The following AHCY variants were observed in gnomAD, a reference collection of about 807,000 sequenced individuals.
AHCY encodes adenosylhomocysteinase.
AHCY carries 24 observed loss-of-function variants against 45.4 expected under a neutral mutation model. The ratio of observed to expected loss-of-function variants is 0.53; its 90% CI spans 0.38 to 0.74. AHCY has a LOEUF of 0.74. Ranked by LOEUF, AHCY falls within the 30% of genes least tolerant of loss-of-function variation. The probability of loss-of-function intolerance (pLI) is 0.00; values close to 1 mark genes in which losing one functional copy is unlikely to be tolerated. For synonymous variants in AHCY, 245 were observed against 235.1 expected, an observed-to-expected ratio of 1.04 and a Z score of -0.39; for missense variants, 449 against 594.1, an observed-to-expected ratio of 0.76 and a Z score of 2.54.
chr20:34,287,826 A>G (rs1241790947), intron 8 of AHCY, among the ~76,000 whole-genome samples: 1 of 152,198 alleles, frequency 6.6e-6, no homozygotes, highest in Non-Finnish European at 1.5e-5. Flanking sequence ...GTGGTCAATT[A>G]TGGCCTGAGT....
At chr20:34,263,616 T>G in the AHCY span, among the ~76,000 whole-genome samples, 2 of 128,714 alleles carry the variant, frequency 1.6e-5, no homozygotes, top group African/African-American at 1.0e-4. Context: ...CTTGAACACA[T>G]GTGTTTGAAC....
chr20:34,266,845 C>T, the AHCY span, among the ~76,000 whole-genome samples: 1 of 152,138 alleles, frequency 6.6e-6, no homozygotes, highest in Admixed American at 6.5e-5. Flanking sequence ...AAAATCATAC[C>T]ACCATTAACA....
At position 34,290,535 on chromosome 20, in the gene AHCY, C is replaced by A. The variant is rs1254183029; in HGVS notation, c.854+16G>T. 2 of 1,614,002 alleles carry A rather than the reference C, an allele frequency of 1.2e-6. No individual in the cohort carries two copies. The highest frequency in any genetic ancestry group is 1.7e-6 in the Non-Finnish European group (2 of 1,179,978). ...CCTCCTCCCTCACTCCCCGGGACCC[C>A]CCATCTGGCACCTACCGGCCAAGGA... On this transcript the variant is annotated intron_variant, in intron 7 of 9. Coordinates refer to ENST00000217426, the MANE Select transcript of AHCY (RefSeq NM_000687.4). The surrounding 1 kb of genome is among the most constrained non-coding windows in gnomAD (Gnocchi z 4.5).
At chr20:34,239,896 G>C in the AHCY span, among the ~76,000 whole-genome samples, 1 of 152,168 alleles carries the variant, frequency 6.6e-6, no homozygotes, top group Non-Finnish European at 1.5e-5. Context: ...CTTCTGCAGA[G>C]CCTCTAAGCT....
chr20:34,303,715 C>T (rs758686311), upstream of AHCY, among the ~76,000 whole-genome samples: 16 of 152,206 alleles, frequency 1.1e-4, no homozygotes, highest in Non-Finnish European at 1.6e-4. Context: ...AGTTGCAGGC[C>T]AGGCGCGGTG....
the AHCY span, among the ~76,000 whole-genome samples, chr20:34,257,681 A>G: frequency 6.6e-6 from 1 of 152,338 alleles, no homozygotes; most frequent in East Asian, 1.9e-4. Context: ...TATGATAACT[A>G]TTCATGATGT....
At chr20:34,253,345 A>T in the AHCY span, among the ~76,000 whole-genome samples, 4 of 151,764 alleles carry the variant, frequency 2.6e-5, no homozygotes, top group Admixed American at 2.0e-4. Flanking sequence ...TGACCTCATG[A>T]TCCGCCTGCC....
chr20:34,296,653 A>C (rs1249103797), intron 1 of AHCY, among the ~76,000 whole-genome samples: 3 of 152,134 alleles, frequency 2.0e-5, no homozygotes, highest in Admixed American at 2.0e-4. Flanking sequence ...TCCCTAGGTC[A>C]AAGTTTGCAG....
intron 8 of AHCY, among the ~76,000 whole-genome samples, chr20:34,289,964 T>C (rs2036317795): frequency 6.6e-6 from 1 of 152,144 alleles, no homozygotes; most frequent in Non-Finnish European, 1.5e-5. Flanking sequence ...TGACCCCACA[T>C]GCCGTCCATC....
the AHCY span, among the ~76,000 whole-genome samples, chr20:34,261,057 A>T: frequency 2.6e-5 from 4 of 152,230 alleles, no homozygotes; most frequent in Non-Finnish European, 5.9e-5. Context: ...TTCACAGTTG[A>T]GGAACTTGAG....
chr20:34,295,440 C>A lies in AHCY; in HGVS notation c.174G>T (p.Val58=), dbSNP rs1195837357. The change falls in exon 2 of 10, where the codon GTG becomes GTT. Residue 58 remains valine (V), a synonymous_variant. Coordinates refer to ENST00000217426, the MANE Select transcript of AHCY (RefSeq NM_000687.4). ...GGGTCTCAATGAGGACGGCCGTCTCCACGGTCATGTGCAGGCAGCCAGCGA... is the reference window on the plus strand; with the variant it reads ...GGGTCTCAATGAGGACGGCCGTCTCAACGGTCATGTGCAGGCAGCCAGCGA... ...ARIAGCLHMT[V]ETAVLIETLV... is the part of the protein sequence containing the mutation. The A allele has an allele frequency of 2.5e-6, 4 of 1,614,142 alleles. No homozygotes were observed. The South Asian group carries it at 4.4e-5, about 18-fold the overall frequency.
the AHCY span, among the ~76,000 whole-genome samples, chr20:34,255,307 A>C: frequency 6.6e-6 from 1 of 152,108 alleles, no homozygotes; most frequent in Non-Finnish European, 1.5e-5. Flanking sequence ...AATCTTCCCC[A>C]AACTCCTGCC....
At chr20:34,245,408 A>G in the AHCY span, among the ~76,000 whole-genome samples, 1 of 150,176 alleles carries the variant, frequency 6.7e-6, no homozygotes, top group Non-Finnish European at 1.5e-5. Context: ...TTATTTTTTT[A>G]GACAGAGTCT....
In AHCY at chr20:34,290,165, C is replaced by G. The variant is rs1355605843; in HGVS notation, c.972+167G>C. On this transcript the variant is annotated intron_variant, in intron 8 of 9. Transcript: ENST00000217426. This position sits in a 1 kb window ranked among gnomAD's most constrained non-coding sequence, Gnocchi z 4.5. Reference sequence around the variant, plus strand: ...TGCCTGATACCTTCAGGGATGCCGGCTGCCCACAGGATAAGGTTGCCACGT... The same window carrying G: ...TGCCTGATACCTTCAGGGATGCCGGGTGCCCACAGGATAAGGTTGCCACGT... Among the ~76,000 whole-genome samples, 1 of 152,232 alleles carries G rather than the reference C, an allele frequency of 6.6e-6. No individual in the cohort carries two copies. Among genetic ancestry groups the G allele is most frequent in the African/African-American group, 2.4e-5 (1 of 41,456 alleles).
intron 4 of AHCY, 122 bp from the exon 5 acceptor site, chr20:34,291,653 A>C: frequency 4.4e-6 from 4 of 900,594 alleles, no homozygotes; most frequent in Non-Finnish European, 7.1e-6. Context: ...CTGATCCCAC[A>C]GGCCCCCCAA....
chr20:34,256,596 C>A, the AHCY span, among the ~76,000 whole-genome samples: 102 of 152,276 alleles, frequency 6.7e-4, no homozygotes, highest in Middle Eastern at 3.4e-3. Flanking sequence ...AGCCACCATG[C>A]CTGGCCTCTT....
At chr20:34,294,698 G>A (rs892007140) in intron 2 of AHCY, among the ~76,000 whole-genome samples, 41 of 152,146 alleles carry the variant, frequency 2.7e-4, no homozygotes, top group African/African-American at 9.4e-4. Context: ...CTGTTTGAAC[G>A]CGTTCTGCCT....
At chr20:34,289,474 T>C (rs1344505393) in intron 8 of AHCY, among the ~76,000 whole-genome samples, 16 of 133,292 alleles carry the variant, frequency 1.2e-4, no homozygotes, top group Non-Finnish European at 2.1e-4. Context: ...TACCTGGCCT[T>C]TTTTTTTTTT....
chr20:34,303,314 T>C lies in AHCY; in HGVS notation c.-44A>G. On this transcript the variant is annotated 5_prime_UTR_variant, in exon 1 of 10. Transcript: ENST00000217426. ...GGAAACGGGCGAAGGGGGCTGGGCC[T>C]CAGTCTGGGAACAGGAACTGGGCGG... The C allele has an allele frequency of 1.3e-6, 2 of 1,551,652 alleles. No individual in the cohort carries two copies. Among genetic ancestry groups the C allele is most frequent in the Admixed American group, 2.0e-5 (1 of 51,022 alleles).
Sources: gnomAD v4.1 joint callset for allele counts (sites outside exome capture counted in the v4.1 genomes callset) on GRCh38, gnomAD v4.1.1 for gene constraint, Gnocchi (gnomAD v3.1) non-coding constraint, MANE v1.5 for transcripts, NCBI Gene and HGNC (gene_info 2026-07-23, HGNC 2026-07-21) for gene names.